The following FRMD5 variants were observed in gnomAD, a reference collection of about 807,000 sequenced individuals.
FRMD5 encodes the protein FERM domain-containing protein 5.
A neutral mutation model predicts 69.0 loss-of-function variants in FRMD5; 20 were observed. The observed-to-expected ratio is 0.29, with a 90% CI of 0.20 to 0.42. FRMD5 has a LOEUF of 0.42. Ranked by LOEUF, FRMD5 falls within the 10% of genes least tolerant of loss-of-function variation. The pLI is 1.00. For synonymous variants in FRMD5, 271 were observed against 260.1 expected, an observed-to-expected ratio of 1.04 and a Z score of -0.40; for missense variants, 595 against 708.6, an observed-to-expected ratio of 0.84 and a Z score of 1.82.
chr15:43,884,911 CT>C, intron 11 of FRMD5, 116 bp from the exon 12 acceptor site: 1 of 855,182 alleles, frequency 1.2e-6, no homozygotes, highest in Non-Finnish European at 1.9e-6. Flanking sequence ...GTGGCCCACC[CT>C]TTCCCTGATG....
At chr15:44,133,205 T>G (rs1197998162) in intron 1 of FRMD5, among the ~76,000 whole-genome samples, 1 of 137,240 alleles carries the variant, frequency 7.3e-6, no homozygotes, top group African/African-American at 2.8e-5. Flanking sequence ...ACTGCGAGAC[T>G]CCGTCTCAAA....
intron 1 of FRMD5, among the ~76,000 whole-genome samples, chr15:43,948,793 T>C (rs2089984991): frequency 6.6e-6 from 1 of 152,172 alleles, no homozygotes; most frequent in South Asian, 2.1e-4. Flanking sequence ...AGAAGAAAAC[T>C]CCTCATCCAT....
Position 43,886,957 on chromosome 15 carries a change from G to C in FRMD5, c.885-1202C>G, listed in dbSNP as rs188606767. ...CCATTTCCAGTGTGGGTGCAGGCAG[G>C]GCTGGGTGGGTAGGGAGATCTACTC... On this transcript the variant is annotated intron_variant, in intron 10 of 13. Coordinates refer to ENST00000417257, the MANE Select transcript of FRMD5 (RefSeq NM_032892.5). 8.8e-4 allele frequency among the ~76,000 whole-genome samples: 134 copies of C among 152,166 alleles called. 2 individuals carry two copies. Among genetic ancestry groups the C allele is most frequent in the Non-Finnish European group, 2.6e-4 (18 of 67,996 alleles).
At chr15:43,913,346 GAA>G (rs2140426254) in intron 4 of FRMD5, among the ~76,000 whole-genome samples, 1 of 152,334 alleles carries the variant, frequency 6.6e-6, no homozygotes, top group East Asian at 1.9e-4. Flanking sequence ...GTATCCTAAA[GAA>G]ACAAACCATA....
intron 1 of FRMD5, among the ~76,000 whole-genome samples, chr15:44,140,561 G>T (rs79899796): frequency 0.025 from 3,758 of 152,052 alleles, 150 homozygotes; most frequent in African/African-American, 0.078. Context: ...GTCATTATTT[G>T]CATGCTATCA....
chr15:44,014,693 C>T (rs568591410), intron 1 of FRMD5, among the ~76,000 whole-genome samples: 11 of 152,032 alleles, frequency 7.2e-5, no homozygotes, highest in African/African-American at 2.7e-4. Context: ...GCCAAGATTG[C>T]GCCAATGCAC....
intron 1 of FRMD5, among the ~76,000 whole-genome samples, chr15:43,952,045 A>T (rs1373110287): frequency 6.9e-6 from 1 of 145,394 alleles, no homozygotes; most frequent in Non-Finnish European, 1.5e-5. Context: ...TGTGTGTTTC[A>T]GAGTTGCCAT....
Position 44,089,634 on chromosome 15 carries a change from C to T in FRMD5, c.102+105319G>A, listed in dbSNP as rs559625369. ...GGGAGGATGACTTGAGCCCAGGATGCATAGCTTGCAGTGAGCCAAAGTCAT... is the reference window on the plus strand; with the variant it reads ...GGGAGGATGACTTGAGCCCAGGATGTATAGCTTGCAGTGAGCCAAAGTCAT... On this transcript the variant is annotated intron_variant, in intron 1 of 13. Transcript: ENST00000417257. Among the ~76,000 whole-genome samples, 4 of 152,134 alleles carry T rather than the reference C, an allele frequency of 2.6e-5. No individual in the cohort carries two copies. The South Asian group carries it at 8.3e-4, about 32-fold the overall frequency.
chr15:44,173,335 T>G (rs886407622), intron 1 of FRMD5, among the ~76,000 whole-genome samples: 1 of 151,968 alleles, frequency 6.6e-6, no homozygotes, highest in Non-Finnish European at 1.5e-5. Context: ...ATTTTTTCCA[T>G]AGGAAAAAAG....
rs931771236 is a variant in FRMD5, at chr15:43,874,269, C to T, written c.1329G>A (p.Met443Ile). ...TPVAEHSLEL[M>I]LLSRQINGAT... ...CTCCATTGATCTGCCGGGAAAGCAA[C>T]ATCAGCTCCAGGCTGTGCTCAGCCA... The change falls in exon 14 of 14, where the codon ATG becomes ATA. Residue 443 changes from methionine (M) to isoleucine (I), a missense_variant. Physicochemically the swap from Met to Ile is conservative, Grantham distance 10 (BLOSUM62 1). This residue lies in a region of FRMD5 where 245 missense variants were observed against 227.1 expected (regional missense o/e 1.08). Coordinates refer to ENST00000417257, the MANE Select transcript of FRMD5 (RefSeq NM_032892.5). 2.5e-6 allele frequency: 4 copies of T among 1,614,134 alleles called. No homozygotes were observed. Among genetic ancestry groups the T allele is most frequent in the African/African-American group, 1.3e-5 (1 of 74,950 alleles).
chr15:43,937,176 C>T (rs182535259), intron 1 of FRMD5, among the ~76,000 whole-genome samples: 1 of 152,208 alleles, frequency 6.6e-6, no homozygotes, highest in East Asian at 1.9e-4. Flanking sequence ...GATGCTTTGC[C>T]TGTCTTTCTA....
chr15:43,893,053 A>C (rs971066898), intron 7 of FRMD5, among the ~76,000 whole-genome samples: 1 of 151,980 alleles, frequency 6.6e-6, no homozygotes, highest in South Asian at 2.1e-4. Context: ...GCAGTGAGCC[A>C]AGATTGTACC....
intron 1 of FRMD5, among the ~76,000 whole-genome samples, chr15:44,112,555 C>T (rs953000404): frequency 2.0e-5 from 3 of 151,884 alleles, no homozygotes; most frequent in Non-Finnish European, 4.4e-5. Flanking sequence ...CAAGCTCCAC[C>T]TCCCGGGTTC....
rs1376079478 is a variant in FRMD5 at position 43,871,772 on chromosome 15, T to G, written c.*2113A>C. 2 of 152,366 alleles carry G rather than the reference T, an allele frequency of 1.3e-5. No individual in the cohort carries two copies. Among genetic ancestry groups the G allele is most frequent in the Non-Finnish European group, 2.9e-5 (2 of 68,030 alleles). The allele number at this position is 152,366 out of a possible 1,614,324, so 9.4% of individuals were successfully genotyped here. A position where few individuals can be genotyped will look rare whatever the true frequency, so the allele number is the denominator to read the frequency against. On this transcript the variant is annotated 3_prime_UTR_variant, in exon 14 of 14. Transcript: ENST00000417257. ...TCCCTTCTTAGATTCCAGCTGTGTT[T>G]TAGCATTCCAGTATTTGATCTTGCC...
intron 1 of FRMD5, among the ~76,000 whole-genome samples, chr15:44,100,764 G>A (rs942584254): frequency 3.3e-5 from 5 of 152,166 alleles, no homozygotes; most frequent in Non-Finnish European, 7.4e-5. Context: ...CAAAGAAGTT[G>A]CTGTATGGAA....
chr15:43,989,092 CCTGACT>C, intron 1 of FRMD5: 1 of 944,890 alleles, frequency 1.1e-6, no homozygotes, highest in African/African-American at 1.6e-5. Flanking sequence ...GATGGAGGTG[CCTGACT>C]CATCATATTC....
At chr15:44,165,774 G>A (rs1390259804) in intron 1 of FRMD5, among the ~76,000 whole-genome samples, 4 of 151,776 alleles carry the variant, frequency 2.6e-5, no homozygotes, top group Non-Finnish European at 5.9e-5. Context: ...GGCTGAGGCT[G>A]CAGTGAGCCA....
intron 1 of FRMD5, among the ~76,000 whole-genome samples, chr15:44,060,782 G>A (rs1893057358): frequency 6.6e-6 from 1 of 152,054 alleles, no homozygotes; most frequent in South Asian, 2.1e-4. Context: ...AAAAATCCCT[G>A]GCACACTAAC....
At position 43,909,874 on chromosome 15, in the gene FRMD5, G is replaced by T; in HGVS notation, c.427+8C>A. The stretch of plus-strand genomic sequence containing the variant: ...GAAAAGCAAACTTATCCTGTCAAAA[G>T]TCATTACCTTGAAGGATGTAAGCTG... On this transcript the variant is annotated splice_region_variant and intron_variant, in intron 5 of 13. Transcript: ENST00000417257. 6.3e-7 allele frequency: 1 copy of T among 1,583,298 alleles called. No individual in the cohort carries two copies. Among genetic ancestry groups the T allele is most frequent in the Non-Finnish European group, 8.7e-7 (1 of 1,153,412 alleles).
Sources: gnomAD v4.1 joint callset for allele counts (sites outside exome capture counted in the v4.1 genomes callset) on GRCh38, gnomAD v4.1.1 for gene constraint, gnomAD v4.1.1 regional missense constraint, MANE v1.5 for transcripts, NCBI Gene and HGNC (gene_info 2026-07-23, HGNC 2026-07-21) for gene names.